GAD2: variants seen among roughly 807,000 people sequenced by gnomAD.
GAD2 encodes 65 kDa glutamic acid decarboxylase.
In GAD2, 22 loss-of-function variants were observed where a neutral mutation model predicts 80.1. That is an observed-to-expected ratio of 0.27 (90% CI 0.20 to 0.39). The LOEUF is 0.39. Ranked by LOEUF, GAD2 falls within the 10% of genes least tolerant of loss-of-function variation. The probability of loss-of-function intolerance (pLI) is 1.00; values close to 1 mark genes in which losing one functional copy is unlikely to be tolerated. For synonymous variants in GAD2, 274 were observed against 256.9 expected (o/e 1.07, Z -0.64); for missense variants, 624 against 738.4 (o/e 0.85, Z 1.80).
Position 26,300,925 on chromosome 10 carries a change from G to A in GAD2, c.1722G>A (p.Leu574=), listed in dbSNP as rs1421718884. ...PAATHQDIDF[L]IEEIERLGQD... ...CAACTCACCAAGACATTGACTTCCT[G>A]ATTGAAGAAATAGAACGCCTTGGAC... The change falls in exon 16 of 16, where the codon CTG becomes CTA. Residue 574 remains leucine (L), a synonymous_variant. Coordinates refer to ENST00000376261, the MANE Select transcript of GAD2 (RefSeq NM_001134366.2). 1 of 1,613,966 alleles carries A rather than the reference G, an allele frequency of 6.2e-7. No homozygotes were observed. Among genetic ancestry groups the A allele is most frequent in the Admixed American group, 1.7e-5 (1 of 60,014 alleles).
chr10:26,221,703 C>G (rs927554556), intron 4 of GAD2, among the ~76,000 whole-genome samples: 4 of 152,230 alleles, frequency 2.6e-5, no homozygotes, highest in African/African-American at 9.6e-5. Flanking sequence ...GCGCATCCTT[C>G]CGGGCTCATT....
At chr10:26,246,667 G>A (rs895125619) in intron 8 of GAD2, among the ~76,000 whole-genome samples, 2 of 152,162 alleles carry the variant, frequency 1.3e-5, no homozygotes, top group Admixed American at 6.5e-5. Flanking sequence ...TTATTTATTT[G>A]TATTTATTAG....
At chr10:26,288,562 C>T (rs1031348416) in intron 13 of GAD2, among the ~76,000 whole-genome samples, 1 of 152,120 alleles carries the variant, frequency 6.6e-6, no homozygotes, top group Non-Finnish European at 1.5e-5. Context: ...TGATGTACCT[C>T]CAAGCAGCTT....
At chr10:26,277,987 C>A (rs890195243) in intron 11 of GAD2, among the ~76,000 whole-genome samples, 10 of 150,424 alleles carry the variant, frequency 6.6e-5, no homozygotes, top group African/African-American at 2.5e-4. Context: ...GAACCTGAGG[C>A]TGTTTTTTTT....
At chr10:26,291,980 C>T (rs973005043) in intron 13 of GAD2, among the ~76,000 whole-genome samples, 10 of 152,178 alleles carry the variant, frequency 6.6e-5, no homozygotes, top group African/African-American at 2.4e-4. Context: ...TCAATGAAGT[C>T]AGTGAGCACC....
intron 8 of GAD2, among the ~76,000 whole-genome samples, chr10:26,250,405 C>T (rs1844864125): frequency 1.3e-5 from 2 of 152,172 alleles, no homozygotes; most frequent in South Asian, 4.1e-4. Flanking sequence ...CCCCTGTCTA[C>T]TCACATACAC....
intron 7 of GAD2, among the ~76,000 whole-genome samples, chr10:26,237,198 C>T (rs953142813): frequency 3.3e-5 from 5 of 152,198 alleles, no homozygotes; most frequent in African/African-American, 9.6e-5. Context: ...GGAAGGGGCT[C>T]CTGAGATCCC....
intron 11 of GAD2, among the ~76,000 whole-genome samples, chr10:26,277,582 A>T (rs763283296): frequency 6.6e-6 from 1 of 152,206 alleles, no homozygotes; most frequent in Non-Finnish European, 1.5e-5. Context: ...GAAGCTATTA[A>T]GCTCTTAGGA....
intron 10 of GAD2, 98 bp from the exon 11 acceptor site, chr10:26,273,538 C>A: frequency 2.0e-6 from 2 of 978,702 alleles, no homozygotes; most frequent in East Asian, 2.5e-5. Flanking sequence ...TCCTAAGTGG[C>A]CTGGGGTCAA....
intron 15 of GAD2, among the ~76,000 whole-genome samples, chr10:26,293,750 C>A (rs997482776): frequency 4.6e-5 from 7 of 152,120 alleles, no homozygotes; most frequent in Non-Finnish European, 1.0e-4. Flanking sequence ...GCTGTGGTGA[C>A]CCCTAGAAGG....
rs1156544430 is a variant in GAD2 at position 26,277,330 on chromosome 10, G to A, written c.1157+3630G>A. On this transcript the variant is annotated intron_variant, in intron 11 of 15. Coordinates refer to ENST00000376261, the MANE Select transcript of GAD2 (RefSeq NM_001134366.2). ...GTCTTGGCCAGCCCAGGGCCCGCCC[G>A]CAGAGCCAGGTCAGAATCTGCGGGG... is the stretch of plus-strand genomic sequence containing the variant. Among the ~76,000 whole-genome samples, 4 of 152,176 alleles carry A rather than the reference G, an allele frequency of 2.6e-5. No homozygotes were observed. In the South Asian group the frequency reaches 6.2e-4, roughly 24 times the overall value.
Position 26,292,885 on chromosome 10 carries a change from T to G in GAD2, c.1495-17T>G. 6.2e-7 allele frequency: 1 copy of G among 1,608,588 alleles called. No homozygotes were observed. The highest frequency in any genetic ancestry group is 8.5e-7 in the Non-Finnish European group (1 of 1,175,166). On this transcript the variant is annotated splice_polypyrimidine_tract_variant and intron_variant, in intron 14 of 15. Transcript: ENST00000376261. ...GCCAGCCTGGGCCAAATGTGAATCTTCCTTTCCTCTTTGTAGCCTCAGCAC... is the reference window on the plus strand; with the variant it reads ...GCCAGCCTGGGCCAAATGTGAATCTGCCTTTCCTCTTTGTAGCCTCAGCAC...
intron 4 of GAD2, among the ~76,000 whole-genome samples, chr10:26,220,989 G>A (rs986900475): frequency 4.6e-5 from 7 of 152,336 alleles, no homozygotes; most frequent in South Asian, 2.1e-4. Context: ...AGATAAAAAT[G>A]TGATGGATTA....
At chr10:26,231,684 A>G (rs907530816) in intron 7 of GAD2, among the ~76,000 whole-genome samples, 3 of 152,188 alleles carry the variant, frequency 2.0e-5, no homozygotes, top group Non-Finnish European at 4.4e-5. Context: ...ATTACCTTAT[A>G]GTTCTGGGGG....
chr10:26,280,621 A>G (rs902906919), intron 11 of GAD2, among the ~76,000 whole-genome samples: 5 of 151,994 alleles, frequency 3.3e-5, no homozygotes, highest in African/African-American at 9.7e-5. Flanking sequence ...TCCCAGCTTG[A>G]CTTTTCCCTT....
rs765655610 is a variant in GAD2, at chr10:26,269,152, G to A, written c.954G>A (p.Arg318=). 3.9e-5 allele frequency: 62 copies of A among 1,598,472 alleles called. No homozygotes were observed. The highest frequency in any genetic ancestry group is 5.0e-5 in the Non-Finnish European group (59 of 1,171,720). ...TGATTCCATCTGATCTTGAAAGAAG[G>A]ATTCTTGAAGCCAAACAGAAAGTAA... The part of the protein sequence containing the change: ...GKMIPSDLER[R]ILEAKQKGFV... Residue 318 remains arginine, a synonymous_variant, in exon 9 of 16, where the codon AGG becomes AGA. Transcript: ENST00000376261.
intron 8 of GAD2, among the ~76,000 whole-genome samples, chr10:26,262,840 T>G (rs1296064967): frequency 5.3e-5 from 8 of 150,190 alleles, no homozygotes; most frequent in African/African-American, 2.0e-4. Flanking sequence ...TTGAACCTTT[T>G]ATCATAATCC....
At chr10:26,224,726 A>C in intron 6 of GAD2, 75 bp downstream of exon 6, 1 of 1,084,726 alleles carries the variant, frequency 9.2e-7, no homozygotes, top group Non-Finnish European at 1.4e-6. Context: ...AGGGAAGATT[A>C]AAAATCTAGC....
At chr10:26,280,518 T>A (rs138359999) in intron 11 of GAD2, among the ~76,000 whole-genome samples, 38 of 152,260 alleles carry the variant, frequency 2.5e-4, no homozygotes, top group African/African-American at 8.7e-4. Flanking sequence ...AGTTTCTGAT[T>A]AGGCTTTCCA....
Sources: gnomAD v4.1 joint callset for allele counts (sites outside exome capture counted in the v4.1 genomes callset) on GRCh38, gnomAD v4.1.1 for gene constraint, MANE v1.5 for transcripts, NCBI Gene and HGNC (gene_info 2026-07-23, HGNC 2026-07-21) for gene names.